The following VDAC1 variants were observed in gnomAD, a reference collection of about 807,000 sequenced individuals.
VDAC1 encodes the protein non-selective voltage-gated ion channel VDAC1.
Under a neutral mutation model 34.7 loss-of-function variants are expected in VDAC1, and 10 were observed. The ratio of observed to expected loss-of-function variants is 0.29; its 90% confidence interval spans 0.18 to 0.49. The LOEUF (loss-of-function observed/expected upper bound fraction) is 0.49. Ranked by LOEUF, VDAC1 falls within the 20% of genes least tolerant of loss-of-function variation. The pLI is 0.99. For synonymous variants in VDAC1, 130 were observed against 136.0 expected (o/e 0.96, Z 0.30); for missense variants, 230 against 347.9 (o/e 0.66, Z 2.69).
the VDAC1 span, among the ~76,000 whole-genome samples, chr5:134,090,023 G>C: frequency 6.6e-6 from 1 of 152,084 alleles, no homozygotes; most frequent in Admixed American, 6.6e-5. Flanking sequence ...ATGTGGCTCA[G>C]TAGGAATTAA....
chr5:134,073,562 G>A, the VDAC1 span, among the ~76,000 whole-genome samples: 9 of 152,220 alleles, frequency 5.9e-5, no homozygotes, highest in Admixed American at 2.0e-4. Context: ...CCATCCTTGA[G>A]TTGAGCTAAG....
chr5:134,031,899 C>G, the VDAC1 span, among the ~76,000 whole-genome samples: 1 of 146,850 alleles, frequency 6.8e-6, no homozygotes, highest in Non-Finnish European at 1.5e-5. Flanking sequence ...TGCATTGAGC[C>G]GAGATTACAC....
At chr5:134,104,742 G>A in the VDAC1 span, among the ~76,000 whole-genome samples, 4 of 152,212 alleles carry the variant, frequency 2.6e-5, no homozygotes, top group African/African-American at 7.2e-5. Flanking sequence ...TTAAGATGTC[G>A]GTAATAACAG....
chr5:134,013,497 G>T, the VDAC1 span, among the ~76,000 whole-genome samples: 5 of 152,176 alleles, frequency 3.3e-5, no homozygotes, highest in Non-Finnish European at 7.3e-5. Context: ...AAGAGCTTCT[G>T]CACAGCAAAA....
chr5:134,073,131 A>C, the VDAC1 span, among the ~76,000 whole-genome samples: 4 of 152,220 alleles, frequency 2.6e-5, no homozygotes, highest in African/African-American at 9.6e-5. Context: ...CTCTGGACCC[A>C]TCACCAGTGC....
At chr5:133,992,439 C>T in intron 2 of VDAC1, 84 bp from the exon 3 acceptor site, 1 of 1,120,088 alleles carries the variant, frequency 8.9e-7, no homozygotes, top group African/African-American at 1.6e-5. Context: ...CTTCAGGATG[C>T]TTTTTTAAAA....
At chr5:134,098,158 A>G in the VDAC1 span, among the ~76,000 whole-genome samples, 1 of 150,316 alleles carries the variant, frequency 6.7e-6, no homozygotes, top group Non-Finnish European at 1.5e-5. Context: ...GGTGTGAGCT[A>G]CCATGCCCTG....
intron 5 of VDAC1, among the ~76,000 whole-genome samples, chr5:133,989,744 C>T (rs930082750): frequency 4.6e-5 from 7 of 152,036 alleles, no homozygotes; most frequent in Non-Finnish European, 1.0e-4. Context: ...CTCACCACAA[C>T]CTCTGCCTCC....
At chr5:133,987,664 G>C (rs1225066912) in intron 5 of VDAC1, among the ~76,000 whole-genome samples, 1 of 152,130 alleles carries the variant, frequency 6.6e-6, no homozygotes, top group African/African-American at 2.4e-5. Context: ...CATTTGCCAA[G>C]CGTAACTGTT....
chr5:134,029,011 C>G, the VDAC1 span, among the ~76,000 whole-genome samples: 41 of 152,232 alleles, frequency 2.7e-4, no homozygotes, highest in Admixed American at 2.7e-3. Context: ...TTGGGTGGAA[C>G]TGAGCCCTCC....
chr5:133,991,246 G>C, intron 3 of VDAC1, 92 bp from the exon 4 acceptor site: 1 of 1,523,646 alleles, frequency 6.6e-7, no homozygotes, highest in Non-Finnish European at 8.9e-7. Flanking sequence ...TTCTGCAAGA[G>C]GCAAGACCCT....
the VDAC1 span, among the ~76,000 whole-genome samples, chr5:134,083,995 A>T: frequency 6.6e-6 from 1 of 152,244 alleles, no homozygotes; most frequent in Non-Finnish European, 1.5e-5. Context: ...GGCATGTGGC[A>T]TGAGCCTCAT....
chr5:134,024,937 G>A, the VDAC1 span, among the ~76,000 whole-genome samples: 1 of 152,350 alleles, frequency 6.6e-6, no homozygotes, highest in Admixed American at 6.5e-5. Context: ...CCATCTAGAA[G>A]ATTCCAGCCC....
chr5:134,086,635 T>C, the VDAC1 span, among the ~76,000 whole-genome samples: 12 of 152,258 alleles, frequency 7.9e-5, no homozygotes, highest in African/African-American at 2.7e-4. Context: ...TTCTGATCAA[T>C]GCCTGGTGCT....
chr5:134,025,782 A>G, the VDAC1 span, among the ~76,000 whole-genome samples: 1 of 151,346 alleles, frequency 6.6e-6, no homozygotes, highest in Non-Finnish European at 1.5e-5. Flanking sequence ...TTTTCATAGA[A>G]ATAGGGTCTC....
At chr5:134,114,169 C>T in the VDAC1 span, among the ~76,000 whole-genome samples, 13 of 152,158 alleles carry the variant, frequency 8.5e-5, no homozygotes, top group African/African-American at 3.1e-4. Context: ...AGAAGGAAGT[C>T]CCTGATTGGC....
the VDAC1 span, among the ~76,000 whole-genome samples, chr5:134,090,150 C>T: frequency 6.6e-6 from 1 of 152,184 alleles, no homozygotes; most frequent in East Asian, 1.9e-4. Context: ...TAGGTCCCAC[C>T]TCCGAGCACT....
chr5:134,036,414 G>T, the VDAC1 span, among the ~76,000 whole-genome samples: 1 of 152,122 alleles, frequency 6.6e-6, no homozygotes, highest in Non-Finnish European at 1.5e-5. Flanking sequence ...CTCTTCATAA[G>T]TGTCAAGGTC....
chr5:133,987,217 C>T (rs1241097303), intron 5 of VDAC1, among the ~76,000 whole-genome samples: 1 of 151,936 alleles, frequency 6.6e-6, no homozygotes, highest in African/African-American at 2.4e-5. Flanking sequence ...AAAAATCAAC[C>T]AGGGGTGGCA....
Sources: allele counts gnomAD v4.1 joint callset (sites outside exome capture counted in the v4.1 genomes callset), GRCh38; gene constraint gnomAD v4.1.1; transcripts MANE v1.5; gene names NCBI Gene and HGNC (gene_info 2026-07-23, HGNC 2026-07-21).